Variants in AGBL4 observed in about 807,000 individuals in gnomAD.
The protein encoded by AGBL4 is AGBL carboxypeptidase 4.
Under a neutral mutation model 66.4 loss-of-function variants are expected in AGBL4, and 58 were observed. The observed-to-expected ratio is 0.87, with a 90% CI of 0.71 to 1.09. The LOEUF is 1.09. Among genes scored for constraint, AGBL4 ranks in the 50% least tolerant of loss-of-function variants. AGBL4 has a pLI of 0.00. For synonymous variants in AGBL4, 234 were observed against 222.9 expected (o/e 1.05, Z -0.44); for missense variants, 579 against 631.0 (o/e 0.92, Z 0.88).
intron 5 of AGBL4, among the ~76,000 whole-genome samples, chr1:48,996,354 T>C (rs755054245): frequency 1.3e-5 from 2 of 152,186 alleles, no homozygotes; most frequent in Non-Finnish European, 2.9e-5. Flanking sequence ...AAAATGAGTA[T>C]AGCTGGGGAA....
At chr1:48,676,072 T>C (rs1350954995) in intron 6 of AGBL4, among the ~76,000 whole-genome samples, 1 of 152,178 alleles carries the variant, frequency 6.6e-6, no homozygotes, top group Non-Finnish European at 1.5e-5. Context: ...ATACCTGGGG[T>C]ACATGGAAGT....
chr1:48,921,817 A>C (rs1033059804), intron 5 of AGBL4, among the ~76,000 whole-genome samples: 2 of 152,232 alleles, frequency 1.3e-5, no homozygotes, highest in African/African-American at 4.8e-5. Flanking sequence ...ACAGCCATAC[A>C]GCCATTCAAC....
chr1:49,254,537 A>T (rs1182125686), intron 3 of AGBL4, among the ~76,000 whole-genome samples: 2 of 152,232 alleles, frequency 1.3e-5, no homozygotes, highest in Non-Finnish European at 2.9e-5. Flanking sequence ...ATTGAAAAAC[A>T]TTCCATGTTC....
chr1:48,927,834 G>A (rs762430526), intron 5 of AGBL4, among the ~76,000 whole-genome samples: 2 of 152,090 alleles, frequency 1.3e-5, no homozygotes, highest in Non-Finnish European at 2.9e-5. Flanking sequence ...AAAGTCTATG[G>A]TATTCCCATG....
chr1:48,529,626 G>T (rs1386058426), downstream of AGBL4, among the ~76,000 whole-genome samples: 2 of 152,114 alleles, frequency 1.3e-5, no homozygotes, highest in Non-Finnish European at 2.9e-5. Context: ...CAGCCAAAAG[G>T]TACCAGACTT....
intron 4 of AGBL4, among the ~76,000 whole-genome samples, chr1:49,228,142 G>A (rs1205884637): frequency 1.3e-5 from 2 of 152,144 alleles, no homozygotes; most frequent in Non-Finnish European, 2.9e-5. Flanking sequence ...ATCTTTATGT[G>A]TATAAAATAC....
At chr1:48,870,964 C>A (rs1648595214) in intron 5 of AGBL4, among the ~76,000 whole-genome samples, 1 of 152,046 alleles carries the variant, frequency 6.6e-6, no homozygotes, top group Non-Finnish European at 1.5e-5. Context: ...TAAATAATTC[C>A]CTCAAAGTCA....
At chr1:49,247,707 T>C (rs1651754085) in intron 3 of AGBL4, among the ~76,000 whole-genome samples, 1 of 152,094 alleles carries the variant, frequency 6.6e-6, no homozygotes, top group African/African-American at 2.4e-5. Flanking sequence ...ATGATGTAAA[T>C]ATGTGAAGCT....
chr1:49,439,903 A>G (rs1015882760), intron 3 of AGBL4, among the ~76,000 whole-genome samples: 2 of 152,074 alleles, frequency 1.3e-5, no homozygotes, highest in Non-Finnish European at 2.9e-5. Context: ...ATATATCTCT[A>G]TCCTATTAGT....
chr1:49,039,428 A>G (rs1434254351), intron 5 of AGBL4, among the ~76,000 whole-genome samples: 3 of 152,118 alleles, frequency 2.0e-5, no homozygotes, highest in Admixed American at 2.0e-4. Context: ...GAGGCTATGC[A>G]TGTGTAGGGG....
At chr1:49,033,596 C>T (rs1664402650) in intron 5 of AGBL4, among the ~76,000 whole-genome samples, 1 of 152,070 alleles carries the variant, frequency 6.6e-6, no homozygotes, top group African/African-American at 2.4e-5. Context: ...ACAAGGTCAT[C>T]AGTCCTCTCT....
At chr1:49,760,211 G>A (rs893582909) in intron 2 of AGBL4, among the ~76,000 whole-genome samples, 5 of 152,054 alleles carry the variant, frequency 3.3e-5, no homozygotes, top group Non-Finnish European at 4.4e-5. Flanking sequence ...TATCAGATGG[G>A]TAGATTGCAA....
chr1:49,185,796 C>T (rs766267015), intron 4 of AGBL4, among the ~76,000 whole-genome samples: 5 of 152,110 alleles, frequency 3.3e-5, no homozygotes. Context: ...AACTGGTGGT[C>T]CTTGACCCAA....
At chr1:48,932,856 TAAAC>T (rs1655143156) in intron 5 of AGBL4, among the ~76,000 whole-genome samples, 1 of 151,678 alleles carries the variant, frequency 6.6e-6, no homozygotes, top group Non-Finnish European at 1.5e-5. Context: ...AAAACAAAAA[TAAAC>T]AACCAACTAA....
chr1:49,372,732 CCTCTCTCTCTTCT>C (rs1644391507), intron 3 of AGBL4, among the ~76,000 whole-genome samples: 2 of 125,478 alleles, frequency 1.6e-5, no homozygotes, highest in South Asian at 2.7e-4. Context: ...TCTTTCTTTC[CCTCTCTCTCTTCT>C]CTCTCTCTCT....
chr1:49,241,662 A>T (rs944098071), intron 4 of AGBL4, among the ~76,000 whole-genome samples: 1 of 151,998 alleles, frequency 6.6e-6, no homozygotes, highest in Non-Finnish European at 1.5e-5. Context: ...TTCCTGGTTC[A>T]TTTTAACTAC....
intron 4 of AGBL4, among the ~76,000 whole-genome samples, chr1:49,170,727 C>G (rs534284888): frequency 4.6e-5 from 7 of 150,664 alleles, no homozygotes; most frequent in African/African-American, 1.7e-4. Context: ...AAAACTTATC[C>G]TTGGATAAAT....
chr1:48,989,499 C>T (rs1310956968), intron 5 of AGBL4, among the ~76,000 whole-genome samples: 1 of 151,880 alleles, frequency 6.6e-6, no homozygotes, highest in Non-Finnish European at 1.5e-5. Flanking sequence ...ACTCATTAAC[C>T]ATCCCCACTC....
chr1:48,993,530 A>G (rs1660771120), intron 5 of AGBL4, among the ~76,000 whole-genome samples: 1 of 152,114 alleles, frequency 6.6e-6, no homozygotes, highest in Non-Finnish European at 1.5e-5. Context: ...ATGCCCCTCA[A>G]GTTCACTGGC....
Sources: allele counts gnomAD v4.1 joint callset (sites outside exome capture counted in the v4.1 genomes callset), GRCh38; gene constraint gnomAD v4.1.1; transcripts MANE v1.5; gene names NCBI Gene and HGNC (gene_info 2026-07-23, HGNC 2026-07-21).